Variants in PCDHA6 observed in about 807,000 individuals in gnomAD.
PCDHA6 encodes protocadherin alpha-6.
Under a neutral mutation model 60.3 loss-of-function variants are expected in PCDHA6, and 55 were observed. The ratio of observed to expected loss-of-function variants is 0.91; its 90% CI spans 0.73 to 1.14. The LOEUF (loss-of-function observed/expected upper bound fraction) is 1.14, where lower values mean the gene tolerates loss of function less well. Among genes scored for constraint, PCDHA6 ranks in the 50% most tolerant of loss-of-function variants. The probability of loss-of-function intolerance (pLI) is 0.00; values close to 1 mark genes in which losing one functional copy is unlikely to be tolerated. For missense variants in PCDHA6, 1,327 were observed against 1,256.5 expected (o/e 1.06, Z -0.85); for synonymous variants, 652 against 557.9 (o/e 1.17, Z -2.38).
At chr5:140,852,896 T>G (rs1554146161) in intron 1 of PCDHA6, 1 of 852,356 alleles carries the variant, frequency 1.2e-6, no homozygotes, top group African/African-American at 1.8e-5. Flanking sequence ...TTTTTTTTTT[T>G]GAGTCAGAGT....
chr5:140,831,783 C>CCTCTATTT, intron 1 of PCDHA6, among the ~76,000 whole-genome samples: 1 of 152,198 alleles, frequency 6.6e-6, no homozygotes, highest in East Asian at 1.9e-4. Context: ...GATTGTTTCA[C>CCTCTATTT]CTCTATTTCA....
chr5:140,883,238 G>C (rs782322627), intron 1 of PCDHA6: 1 of 1,613,886 alleles, frequency 6.2e-7, no homozygotes, highest in African/African-American at 1.3e-5. Context: ...GGAGGCAGTT[G>C]ACAAAGGAAA....
At chr5:140,963,443 T>C (rs1554226608) in intron 1 of PCDHA6, among the ~76,000 whole-genome samples, 1 of 152,248 alleles carries the variant, frequency 6.6e-6, no homozygotes, top group African/African-American at 2.4e-5. Flanking sequence ...TCATACTCTG[T>C]TGCTAAAGTA....
At chr5:141,009,538 C>T (rs1159631714) in intron 3 of PCDHA6, 89 bp from the exon 4 acceptor site, 11 of 1,522,362 alleles carry the variant, frequency 7.2e-6, no homozygotes, top group African/African-American at 1.4e-5. Context: ...GTTCAGCCTG[C>T]CTATGCAGTA....
intron 1 of PCDHA6, chr5:140,868,008 G>C (rs953372223): frequency 2.2e-4 from 34 of 152,046 alleles, no homozygotes; most frequent in African/African-American, 7.7e-4. Context: ...AACTGAATTA[G>C]ATTAAGGAAA....
intron 1 of PCDHA6, among the ~76,000 whole-genome samples, chr5:140,971,967 A>C (rs2096509788): frequency 6.6e-6 from 1 of 152,118 alleles, no homozygotes; most frequent in Non-Finnish European, 1.5e-5. Flanking sequence ...ACTTTTTTTC[A>C]ATACTATGAG....
At chr5:140,870,073 A>G in intron 1 of PCDHA6, 1 of 1,613,872 alleles carries the variant, frequency 6.2e-7, no homozygotes. Flanking sequence ...GGCTACAGAT[A>G]AGGGGACTCC....
chr5:140,883,065 C>T, intron 1 of PCDHA6: 1 of 1,614,056 alleles, frequency 6.2e-7, no homozygotes, highest in Non-Finnish European at 8.5e-7. Flanking sequence ...AAGCTAAATG[C>T]CACAGATCCT....
intron 3 of PCDHA6, among the ~76,000 whole-genome samples, chr5:140,995,010 T>A (rs1382186138): frequency 6.6e-6 from 1 of 152,156 alleles, no homozygotes; most frequent in Non-Finnish European, 1.5e-5. Context: ...TTGTTTATAT[T>A]TAGGAAAGAA....
chr5:140,836,209 A>T, intron 1 of PCDHA6: 1 of 1,613,782 alleles, frequency 6.2e-7, no homozygotes, highest in Non-Finnish European at 8.5e-7. Context: ...TGGCTTTCGT[A>T]TGAGTTGCAA....
chr5:140,885,998 A>G (rs2060805032), intron 1 of PCDHA6, among the ~76,000 whole-genome samples: 1 of 152,190 alleles, frequency 6.6e-6, no homozygotes, highest in Non-Finnish European at 1.5e-5. Context: ...GTTGAAAGAA[A>G]TAGTAAAGGG....
chr5:140,921,030 G>C (rs1266143728), intron 1 of PCDHA6, among the ~76,000 whole-genome samples: 2 of 151,532 alleles, frequency 1.3e-5, no homozygotes, highest in Admixed American at 6.6e-5. Context: ...TCTAGACTGG[G>C]GTGCAGTGGG....
intron 1 of PCDHA6, among the ~76,000 whole-genome samples, chr5:140,919,099 C>T (rs972213897): frequency 4.6e-5 from 7 of 152,126 alleles, no homozygotes; most frequent in Non-Finnish European, 7.4e-5. Context: ...CTATTTCTCC[C>T]TTCATTTCTG....
rs782443419 is a variant in PCDHA6, at chr5:140,882,688, A to T, written c.2394+52203A>T. On this transcript the variant is annotated intron_variant, in intron 1 of 3. Coordinates refer to ENST00000529310, the MANE Select transcript of PCDHA6 (RefSeq NM_018909.4). ...TATTCCCTGAAAGCAAGAAACGAATAATCATTGCAGAATCTAGACCTCCGG... is the reference window on the plus strand; with the variant it reads ...TATTCCCTGAAAGCAAGAAACGAATTATCATTGCAGAATCTAGACCTCCGG... The T allele has an allele frequency of 1.2e-5, 20 of 1,614,078 alleles. 1 individual carries two copies. In the South Asian group the frequency reaches 2.2e-4, roughly 18 times the overall value.
chr5:141,011,852 A>T lies in PCDHA6; in HGVS notation c.*1915A>T, dbSNP rs1288551420. 1 of 153,718 alleles carries T rather than the reference A, an allele frequency of 6.5e-6. No individual in the cohort carries two copies. The highest frequency in any genetic ancestry group is 1.5e-5 in the Non-Finnish European group (1 of 68,038). 9.5% of individuals were successfully genotyped at this position (153,718 alleles called of 1,614,324 possible). A position where few individuals can be genotyped will look rare whatever the true frequency, so the allele number is the denominator to read the frequency against. ...CTGTCACCTTAAATAAGACATTTTA[A>T]TTTTGTTATAATGTACAATTTAGAA... On this transcript the variant is annotated 3_prime_UTR_variant, in exon 4 of 4. Transcript: ENST00000529310.
At chr5:140,883,575 GGGCCAC>G (rs1239547262) in intron 1 of PCDHA6, 1 of 1,613,954 alleles carries the variant, frequency 6.2e-7, no homozygotes, top group African/African-American at 1.3e-5. Flanking sequence ...CCTTCGCTGT[GGGCCAC>G]GGCCAGCGTG....
intron 1 of PCDHA6, among the ~76,000 whole-genome samples, chr5:140,920,866 A>G (rs1584205398): frequency 6.6e-6 from 1 of 151,760 alleles, no homozygotes; most frequent in African/African-American, 2.4e-5. Context: ...AAACAAACAA[A>G]CTGTGGCCCT....
At chr5:140,931,057 T>C (rs1554208231) in intron 1 of PCDHA6, among the ~76,000 whole-genome samples, 1 of 152,196 alleles carries the variant, frequency 6.6e-6, no homozygotes, top group Admixed American at 6.5e-5. Context: ...CAATGCTGTG[T>C]CTGGGACTAA....
chr5:140,858,695 T>C (rs563307566), intron 1 of PCDHA6: 3 of 571,446 alleles, frequency 5.2e-6, no homozygotes, highest in Admixed American at 3.6e-5. Flanking sequence ...TATTTTCCAA[T>C]ACAAATATGT....
Sources: gnomAD v4.1 joint callset for allele counts (sites outside exome capture counted in the v4.1 genomes callset) on GRCh38, gnomAD v4.1.1 for gene constraint, MANE v1.5 for transcripts, NCBI Gene and HGNC (gene_info 2026-07-23, HGNC 2026-07-21) for gene names.